The following TMEM132C variants were observed in gnomAD, a reference collection of about 807,000 sequenced individuals.
TMEM132C encodes protein phosphatase 1, regulatory subunit 152.
Under a neutral mutation model 61.4 loss-of-function variants are expected in TMEM132C, and 29 were observed. The observed-to-expected ratio is 0.47, with a 90% CI of 0.35 to 0.64. TMEM132C has a LOEUF of 0.64. Ranked by LOEUF, TMEM132C falls within the 30% of genes least tolerant of loss-of-function variation. The probability of loss-of-function intolerance (pLI) is 0.00; values close to 1 mark genes in which losing one functional copy is unlikely to be tolerated. For synonymous variants in TMEM132C, 656 were observed against 633.1 expected, an observed-to-expected ratio of 1.04 and a Z score of -0.54; for missense variants, 1,408 against 1,476.9, an observed-to-expected ratio of 0.95 and a Z score of 0.76.
chr12:128,451,316 C>G (rs1870167883), intron 2 of TMEM132C, among the ~76,000 whole-genome samples: 1 of 152,040 alleles, frequency 6.6e-6, no homozygotes, highest in Non-Finnish European at 1.5e-5. Flanking sequence ...CCTGTTTGTC[C>G]TAAGTTCAAG....
chr12:128,393,262 T>G (rs1310778223), intron 1 of TMEM132C, among the ~76,000 whole-genome samples: 1 of 152,194 alleles, frequency 6.6e-6, no homozygotes, highest in Non-Finnish European at 1.5e-5. Flanking sequence ...GGCCGTCAAA[T>G]GTACATGAAG....
At chr12:128,439,269 T>C (rs1004558686) in intron 2 of TMEM132C, 2 of 152,196 alleles carry the variant, frequency 1.3e-5, no homozygotes, top group Non-Finnish European at 2.9e-5. Context: ...TTATTTCTTG[T>C]GCATCTTTTG....
At chr12:128,312,451 G>A (rs533102277) in intron 1 of TMEM132C, among the ~76,000 whole-genome samples, 3 of 152,076 alleles carry the variant, frequency 2.0e-5, no homozygotes, top group African/African-American at 7.2e-5. Flanking sequence ...GTCTACAACC[G>A]CCCACCAACA....
rs2135664303 is a variant in TMEM132C, at chr12:128,705,710, G to A, written c.2742G>A (p.Val914=). The A allele has an allele frequency of 6.4e-7, 1 of 1,551,484 alleles. No individual in the cohort carries two copies. The highest frequency in any genetic ancestry group is 8.7e-7 in the Non-Finnish European group (1 of 1,146,980). ...AGSGLEENDL[V]QTPRGLSDLE... is the part of the protein sequence containing the mutation. ...GTGGGCTGGAGGAAAACGACCTGGT[G>A]CAGACTCCGCGGGGCCTGAGTGATC... Residue 914 remains valine (V), a synonymous_variant, in exon 9 of 9, where the codon GTG becomes GTA. Coordinates refer to ENST00000435159, the MANE Select transcript of TMEM132C (RefSeq NM_001136103.3).
chr12:128,357,538 T>G (rs1201656284), intron 1 of TMEM132C, among the ~76,000 whole-genome samples: 2 of 151,606 alleles, frequency 1.3e-5, no homozygotes, highest in Non-Finnish European at 2.9e-5. Flanking sequence ...CTACTAAAAA[T>G]ACAAAAATTA....
At chr12:128,487,647 G>T (rs6486685) in intron 2 of TMEM132C, among the ~76,000 whole-genome samples, 50,524 of 146,282 alleles carry the variant, frequency 0.35, 9,392 homozygotes, top group Non-Finnish European at 0.42. Flanking sequence ...ATATGTGCAT[G>T]TATACACAGG....
At chr12:128,502,180 C>T (rs1262713274) in intron 2 of TMEM132C, among the ~76,000 whole-genome samples, 2 of 152,212 alleles carry the variant, frequency 1.3e-5, no homozygotes, top group Non-Finnish European at 2.9e-5. Context: ...CCACCCAAGT[C>T]ATGCTTTGGA....
intron 2 of TMEM132C, among the ~76,000 whole-genome samples, chr12:128,441,528 C>A (rs999692636): frequency 6.6e-6 from 1 of 152,214 alleles, no homozygotes; most frequent in Admixed American, 6.5e-5. Flanking sequence ...TGGCTCCTCA[C>A]ACATATGGGA....
At chr12:128,511,846 G>A (rs960484784) in intron 2 of TMEM132C, among the ~76,000 whole-genome samples, 1 of 152,198 alleles carries the variant, frequency 6.6e-6, no homozygotes, top group Non-Finnish European at 1.5e-5. Context: ...CTGGCCCAGG[G>A]CCTCCTAGTG....
At chr12:128,382,942 G>A (rs770076805) in intron 1 of TMEM132C, among the ~76,000 whole-genome samples, 15 of 151,974 alleles carry the variant, frequency 9.9e-5, no homozygotes, top group Non-Finnish European at 1.8e-4. Flanking sequence ...CTGTGTATGT[G>A]GGTGTGTGTG....
At chr12:128,463,394 C>A (rs897924215) in intron 2 of TMEM132C, among the ~76,000 whole-genome samples, 1 of 152,178 alleles carries the variant, frequency 6.6e-6, no homozygotes, top group Non-Finnish European at 1.5e-5. Context: ...TCTCAGCTCA[C>A]TGCTACCTCC....
intron 3 of TMEM132C, among the ~76,000 whole-genome samples, chr12:128,584,126 T>C (rs1875451923): frequency 6.6e-6 from 1 of 152,232 alleles, no homozygotes; most frequent in South Asian, 2.1e-4. Flanking sequence ...GGCAATCTTC[T>C]TGCTGGCATT....
intron 2 of TMEM132C, among the ~76,000 whole-genome samples, chr12:128,427,269 T>G (rs987470815): frequency 6.6e-6 from 1 of 152,188 alleles, no homozygotes; most frequent in African/African-American, 2.4e-5. Context: ...TGCATCGTGC[T>G]TGTTGAAAGT....
At chr12:128,268,412 C>A (rs2135885221) in intron 1 of TMEM132C, among the ~76,000 whole-genome samples, 1 of 152,322 alleles carries the variant, frequency 6.6e-6, no homozygotes, top group Middle Eastern at 3.4e-3. Context: ...AGCCGCGGGG[C>A]AGGCGGGGAG....
At chr12:128,558,370 A>C (rs1044535067) in intron 3 of TMEM132C, among the ~76,000 whole-genome samples, 3 of 152,152 alleles carry the variant, frequency 2.0e-5, no homozygotes, top group African/African-American at 7.2e-5. Context: ...GGCTTTTCCC[A>C]TGCTGTTCTC....
At position 128,630,270 on chromosome 12, in the gene TMEM132C, G is replaced by A. The variant is rs927776018; in HGVS notation, c.1305+13935G>A. 5.9e-5 allele frequency among the ~76,000 whole-genome samples: 9 copies of A among 152,202 alleles called. No homozygotes were observed. In the South Asian group the frequency reaches 6.2e-4, roughly 11 times the overall value. On this transcript the variant is annotated intron_variant, in intron 4 of 8. Transcript: ENST00000435159. The surrounding 1 kb of genome is among the most constrained non-coding windows in gnomAD (Gnocchi z 4.3). ...CTGGGTCCAGGGTTGCCACACTGACGGCCCATGAGGGTCACTAGGGGGCAG... is the reference window on the plus strand; with the variant it reads ...CTGGGTCCAGGGTTGCCACACTGACAGCCCATGAGGGTCACTAGGGGGCAG...
intron 2 of TMEM132C, among the ~76,000 whole-genome samples, chr12:128,484,492 G>T (rs984514163): frequency 3.3e-5 from 5 of 152,010 alleles, no homozygotes; most frequent in Admixed American, 2.6e-4. Context: ...TCTGTGTTCT[G>T]GCCGAATCTC....
At chr12:128,466,981 C>A (rs924467668) in intron 2 of TMEM132C, among the ~76,000 whole-genome samples, 6 of 152,088 alleles carry the variant, frequency 3.9e-5, no homozygotes, top group Non-Finnish European at 8.8e-5. Flanking sequence ...TTTGAGCCAG[C>A]ACTTGTGGAA....
intron 1 of TMEM132C, among the ~76,000 whole-genome samples, chr12:128,325,228 A>G (rs1246891902): frequency 6.6e-6 from 1 of 152,224 alleles, no homozygotes; most frequent in East Asian, 1.9e-4. Flanking sequence ...GAAAACAGAA[A>G]GAAAGAAACT....
Sources: allele counts gnomAD v4.1 joint callset (sites outside exome capture counted in the v4.1 genomes callset), GRCh38; gene constraint gnomAD v4.1.1; non-coding constraint Gnocchi (gnomAD v3.1); transcripts MANE v1.5; gene names NCBI Gene and HGNC (gene_info 2026-07-23, HGNC 2026-07-21).